The following RNU2-63P variants were observed in gnomAD, a reference collection of about 807,000 sequenced individuals.
The protein encoded by RNU2-63P is RNA, U2 small nuclear 63, pseudogene.
exon 1 of RNU2-63P, chr2:88,016,414 TAAACTC>T (rs1196499928): frequency 6.6e-6 from 1 of 151,976 alleles, no homozygotes; most frequent in East Asian, 1.9e-4. Flanking sequence ...CTAGATAGAG[TAAACTC>T]TTACTCCAAC....
At chr2:88,016,497 G>T (rs190525688) in exon 1 of RNU2-63P, 14 of 152,194 alleles carry the variant, frequency 9.2e-5, no homozygotes, top group Non-Finnish European at 1.8e-4. Flanking sequence ...ATATTAAACT[G>T]ATAAGAACAC....
exon 1 of RNU2-63P, chr2:88,016,539 A>G (rs1425515384): frequency 6.6e-6 from 1 of 152,234 alleles, no homozygotes; most frequent in East Asian, 1.9e-4. Flanking sequence ...CAAACAGCAA[A>G]AAAGAGATAC....
exon 1 of RNU2-63P, chr2:88,016,471 C>T (rs148345783): frequency 3.3e-5 from 5 of 151,910 alleles, no homozygotes; most frequent in African/African-American, 4.8e-5. Context: ...GTTCATCAAA[C>T]AGAAGAACAT....
chr2:88,016,547 T>G (rs1028449877), exon 1 of RNU2-63P: 1 of 152,200 alleles, frequency 6.6e-6, no homozygotes, highest in African/African-American at 2.4e-5. Context: ...AAAAAAGAGA[T>G]ACCAGTTACC....
exon 1 of RNU2-63P, chr2:88,016,541 A>G (rs940051174): frequency 1.3e-5 from 2 of 152,226 alleles, no homozygotes; most frequent in Non-Finnish European, 2.9e-5. Context: ...AACAGCAAAA[A>G]AGAGATACCA....
exon 1 of RNU2-63P, chr2:88,016,491 T>C (rs936679471): frequency 4.6e-5 from 7 of 152,120 alleles, no homozygotes; most frequent in Admixed American, 2.6e-4. Context: ...TACCAGATAT[T>C]AAACTGATAA....
exon 1 of RNU2-63P, chr2:88,016,402 G>C (rs34913851): frequency 1.1e-4 from 9 of 85,366 alleles, no homozygotes; most frequent in South Asian, 4.5e-4. Flanking sequence ...TCGATGCGTA[G>C]ACTAGATAGA....
At chr2:88,016,510 A>C in exon 1 of RNU2-63P, 1 of 152,178 alleles carries the variant, frequency 6.6e-6, no homozygotes, top group Non-Finnish European at 1.5e-5. Flanking sequence ...AAGAACACAC[A>C]CTACACTCAA....
At chr2:88,016,422 TACTCC>T (rs1672690245) in exon 1 of RNU2-63P, 1 of 152,198 alleles carries the variant, frequency 6.6e-6, no homozygotes, top group East Asian at 1.9e-4. Context: ...AGTAAACTCT[TACTCC>T]AACTCCCCGT....
chr2:88,016,444 A>G (rs968190309), exon 1 of RNU2-63P: 7 of 152,256 alleles, frequency 4.6e-5, no homozygotes, highest in East Asian at 1.9e-4. Flanking sequence ...CCGTTCCAAA[A>G]CTGCGTTTAA....
chr2:88,016,488 T>G (rs1045465721), exon 1 of RNU2-63P: 1 of 152,136 alleles, frequency 6.6e-6, no homozygotes, highest in Admixed American at 6.6e-5. Context: ...ACATACCAGA[T>G]ATTAAACTGA....
Position 88,016,477 on chromosome 2 carries a change from A to C in RNU2-63P, n.71T>G, listed in dbSNP as rs1373892942. 1.3e-5 allele frequency: 2 copies of C among 152,130 alleles called. 1 individual carries two copies. The highest frequency in any genetic ancestry group is 1.3e-4 in the Admixed American group (2 of 15,264). 9.4% of individuals were successfully genotyped at this position (152,130 alleles called of 1,614,324 possible). On this transcript the variant is annotated non_coding_transcript_exon_variant, in exon 1 of 1. Transcript: ENST00000410792. ...TAATATAGCGTTCATCAAACAGAAG[A>C]ACATACCAGATATTAAACTGATAAG...
chr2:88,016,497 G>C (rs190525688), exon 1 of RNU2-63P: 17 of 152,194 alleles, frequency 1.1e-4, no homozygotes, highest in African/African-American at 3.6e-4. Context: ...ATATTAAACT[G>C]ATAAGAACAC....
exon 1 of RNU2-63P, chr2:88,016,420 CTTACT>C (rs1672690045): frequency 9.3e-6 from 1 of 107,490 alleles, no homozygotes; most frequent in Admixed American, 9.6e-5. Flanking sequence ...AGAGTAAACT[CTTACT>C]CCAACTCCCC....
At chr2:88,016,358 G>A (rs770024442) in exon 1 of RNU2-63P, 1 of 24,250 alleles carries the variant, frequency 4.1e-5, no homozygotes, top group Non-Finnish European at 1.1e-4. Context: ...ATGGTTAGCA[G>A]GTGCACCGTT....
exon 1 of RNU2-63P, chr2:88,016,519 AATC>A (rs1672701058): frequency 6.6e-6 from 1 of 152,234 alleles, no homozygotes; most frequent in African/African-American, 2.4e-5. Flanking sequence ...CACTACACTC[AATC>A]ATTAACCAAA....
At chr2:88,016,521 T>A (rs185502438) in exon 1 of RNU2-63P, 1 of 152,138 alleles carries the variant, frequency 6.6e-6, no homozygotes, top group African/African-American at 2.4e-5. Flanking sequence ...CTACACTCAA[T>A]CATTAACCAA....
exon 1 of RNU2-63P, chr2:88,016,479 C>T (rs1323957498): frequency 6.6e-6 from 1 of 152,114 alleles, no homozygotes; most frequent in South Asian, 2.1e-4. Flanking sequence ...AACAGAAGAA[C>T]ATACCAGATA....
chr2:88,016,383 A>G (rs555632770), exon 1 of RNU2-63P: 6 of 24,026 alleles, frequency 2.5e-4, no homozygotes, highest in African/African-American at 6.1e-4. Flanking sequence ...GAAGTACTGC[A>G]ATACCAAATC....
Sources: allele counts gnomAD v4.1 joint callset, GRCh38; gene constraint gnomAD v4.1.1; transcripts MANE v1.5; gene names NCBI Gene and HGNC (gene_info 2026-07-23, HGNC 2026-07-21).